Variants in PDZRN4 observed in about 807,000 individuals in gnomAD.
PDZRN4 encodes PDZ domain containing ring finger 4.
A neutral mutation model predicts 99.0 loss-of-function variants in PDZRN4; 70 were observed. The ratio of observed to expected loss-of-function variants is 0.71; its 90% CI spans 0.58 to 0.86. The LOEUF is 0.86. PDZRN4 is among the 40% of genes least tolerant of loss of function. PDZRN4 has a pLI of 0.00. For missense variants in PDZRN4, 1,474 were observed against 1,331.2 expected (o/e 1.11, Z -1.67); for synonymous variants, 551 against 501.6 (o/e 1.10, Z -1.32).
intron 3 of PDZRN4, among the ~76,000 whole-genome samples, chr12:41,463,600 T>C (rs2608708): frequency 0.54 from 81,367 of 151,728 alleles, 22,801 homozygotes; most frequent in African/African-American, 0.72. Context: ...GTGCACAGTG[T>C]TTTACAGATG....
At chr12:41,563,152 G>T (rs1393954548) in intron 7 of PDZRN4, among the ~76,000 whole-genome samples, 1 of 152,168 alleles carries the variant, frequency 6.6e-6, no homozygotes, top group Non-Finnish European at 1.5e-5. Flanking sequence ...CGGCAAGCGT[G>T]CAGGATGACG....
chr12:41,347,719 A>G (rs1951864893), intron 3 of PDZRN4, among the ~76,000 whole-genome samples: 2 of 152,134 alleles, frequency 1.3e-5, no homozygotes, highest in Admixed American at 1.3e-4. Flanking sequence ...GCATTTACTT[A>G]TCTCAAGGTT....
chr12:41,509,800 AT>A lies in PDZRN4; in HGVS notation c.1101-9del. The stretch of plus-strand genomic sequence containing the variant: ...TAATCTATTCCTATCATATTGCTAC[AT>A]TCCCCATAGCTGCCATTCTCTACAT... On this transcript the variant is annotated splice_polypyrimidine_tract_variant and intron_variant, in intron 4 of 9. Coordinates refer to ENST00000402685, the MANE Select transcript of PDZRN4 (RefSeq NM_001164595.2). The A allele has an allele frequency of 7.6e-7, 1 of 1,313,264 alleles. No individual in the cohort carries two copies. The highest frequency in any genetic ancestry group is 1.1e-6 in the Non-Finnish European group (1 of 921,176). The allele number at this position is 1,313,264 out of a possible 1,614,324, so 81.4% of individuals were successfully genotyped here.
At chr12:41,363,114 A>C (rs1307642295) in intron 3 of PDZRN4, among the ~76,000 whole-genome samples, 1 of 152,024 alleles carries the variant, frequency 6.6e-6, no homozygotes, top group Admixed American at 6.6e-5. Flanking sequence ...TTATCTAGAG[A>C]CTAGTCTTTT....
At chr12:41,364,394 T>C (rs1951983476) in intron 3 of PDZRN4, among the ~76,000 whole-genome samples, 2 of 152,060 alleles carry the variant, frequency 1.3e-5, no homozygotes, top group Admixed American at 1.3e-4. Flanking sequence ...AGATAAATAA[T>C]GGATGAAGTG....
At chr12:41,493,948 A>G (rs1345273259) in intron 3 of PDZRN4, among the ~76,000 whole-genome samples, 1 of 151,976 alleles carries the variant, frequency 6.6e-6, no homozygotes, top group African/African-American at 2.4e-5. Context: ...CATCAAGAAT[A>G]GCGCTTATTC....
intron 5 of PDZRN4, among the ~76,000 whole-genome samples, chr12:41,541,127 T>A (rs959671608): frequency 2.0e-5 from 3 of 152,004 alleles, no homozygotes; most frequent in African/African-American, 7.3e-5. Context: ...CAACAGGGTT[T>A]CACCATGCTA....
Position 41,506,505 on chromosome 12 carries a change from C to G in PDZRN4, c.893C>G (p.Ala298Gly). 1.2e-6 allele frequency: 2 copies of G among 1,613,630 alleles called. No individual in the cohort carries two copies. Among genetic ancestry groups the G allele is most frequent in the Non-Finnish European group, 1.7e-6 (2 of 1,179,708 alleles). ...SKATHEEAVE[A>G]FRNAKEPIVV... ...GCCACTCATGAAGAGGCAGTGGAAG[C>G]TTTTCGCAATGCCAAGGAGCCCATT... Residue 298 changes from alanine to glycine, a missense_variant, in exon 4 of 10, where the codon GCT becomes GGT. By Grantham distance (60) the Ala-to-Gly change is moderately conservative (BLOSUM62 0). Transcript: ENST00000402685.
intron 7 of PDZRN4, 78 bp downstream of exon 7, chr12:41,555,838 T>C: frequency 8.4e-7 from 1 of 1,184,848 alleles, no homozygotes; most frequent in Non-Finnish European, 1.3e-6. Flanking sequence ...TTGTAAACTG[T>C]TGAGAAAAGA....
chr12:41,298,350 G>A (rs1419535674), intron 3 of PDZRN4, among the ~76,000 whole-genome samples: 1 of 152,048 alleles, frequency 6.6e-6, no homozygotes, highest in Admixed American at 6.6e-5. Context: ...CTGTTTTCCA[G>A]GCTGAGAATG....
chr12:41,343,822 T>A (rs1481509554), intron 3 of PDZRN4, among the ~76,000 whole-genome samples: 2 of 151,892 alleles, frequency 1.3e-5, no homozygotes, highest in Non-Finnish European at 2.9e-5. Context: ...AACATATATA[T>A]ATATGAAAAC....
At chr12:41,510,172 A>G (rs537527717) in intron 5 of PDZRN4, among the ~76,000 whole-genome samples, 1 of 152,146 alleles carries the variant, frequency 6.6e-6, no homozygotes, top group Non-Finnish European at 1.5e-5. Flanking sequence ...CAACAGCTAC[A>G]TTTTTAAAAT....
At chr12:41,364,773 C>T (rs550055565) in intron 3 of PDZRN4, among the ~76,000 whole-genome samples, 18 of 152,090 alleles carry the variant, frequency 1.2e-4, no homozygotes, top group African/African-American at 3.6e-4. Flanking sequence ...ATATAGGATT[C>T]GTAGTATGGG....
chr12:41,369,759 G>T (rs901903138), intron 3 of PDZRN4, among the ~76,000 whole-genome samples: 2 of 151,750 alleles, frequency 1.3e-5, no homozygotes, highest in Non-Finnish European at 1.5e-5. Flanking sequence ...TTATAAAGTA[G>T]CAGTTAAATT....
In PDZRN4 at chr12:41,573,461, G is replaced by A. The variant is rs1460484362; in HGVS notation, c.2682G>A (p.Arg894=). The A allele has an allele frequency of 6.2e-7, 1 of 1,613,926 alleles. No individual in the cohort carries two copies. The highest frequency in any genetic ancestry group is 2.2e-5 in the East Asian group (1 of 44,840). ...EPKMEWKVKI[R]SDGTRYITKR... Reference sequence around the variant, plus strand: ...AGATGGAATGGAAGGTGAAAATTAGGAGCGACGGGACACGGTACATCACAA... The same window carrying A: ...AGATGGAATGGAAGGTGAAAATTAGAAGCGACGGGACACGGTACATCACAA... The change falls in exon 10 of 10, where the codon AGG becomes AGA. Residue 894 remains arginine (R), a synonymous_variant. Transcript: ENST00000402685.
At chr12:41,244,561 A>T (rs1171955528) in intron 3 of PDZRN4, among the ~76,000 whole-genome samples, 1 of 151,622 alleles carries the variant, frequency 6.6e-6, no homozygotes. Context: ...CCCTTGCCAA[A>T]CCAGAACACT....
At chr12:41,300,298 G>A (rs565748770) in intron 3 of PDZRN4, among the ~76,000 whole-genome samples, 1 of 151,818 alleles carries the variant, frequency 6.6e-6, no homozygotes, top group Non-Finnish European at 1.5e-5. Flanking sequence ...AATGTACTAT[G>A]TCAGTAAGTG....
chr12:41,311,044 A>T (rs940927833), intron 3 of PDZRN4, among the ~76,000 whole-genome samples: 1 of 152,164 alleles, frequency 6.6e-6, no homozygotes, highest in Non-Finnish European at 1.5e-5. Flanking sequence ...AATCTTTTTC[A>T]TATCTGCAAA....
chr12:41,223,551 C>G (rs1036738907), intron 3 of PDZRN4, among the ~76,000 whole-genome samples: 4 of 152,128 alleles, frequency 2.6e-5, no homozygotes, highest in African/African-American at 9.7e-5. Context: ...CTTTTGCATT[C>G]CAAATACAAA....
Sources: gnomAD v4.1 joint callset for allele counts (sites outside exome capture counted in the v4.1 genomes callset) on GRCh38, gnomAD v4.1.1 for gene constraint, MANE v1.5 for transcripts, NCBI Gene and HGNC (gene_info 2026-07-23, HGNC 2026-07-21) for gene names.